Variants in IL1RAPL1 observed in about 807,000 individuals in gnomAD.
IL1RAPL1 encodes interleukin-1 receptor accessory protein-like 1.
A neutral mutation model predicts 48.4 loss-of-function variants in IL1RAPL1; 3 were observed. That is an observed-to-expected ratio of 0.06 (90% CI 0.03 to 0.16). The LOEUF (loss-of-function observed/expected upper bound fraction) is 0.16. Among genes scored for constraint, IL1RAPL1 ranks in the 10% least tolerant of loss-of-function variants. The pLI is 1.00. For missense variants in IL1RAPL1, 349 were observed against 530.6 expected, an observed-to-expected ratio of 0.66 and a Z score of 3.36; for synonymous variants, 185 against 187.7, an observed-to-expected ratio of 0.99 and a Z score of 0.12.
chrX:28,955,147 A>G (rs758901473), intron 2 of IL1RAPL1, among the ~76,000 whole-genome samples: 2 of 111,861 alleles, frequency 1.8e-5, no homozygotes, highest in East Asian at 5.6e-4. Flanking sequence ...TTTATCATTT[A>G]AAATAATGAA....
chrX:29,883,493 TTAGTG>T (rs1932071389), intron 6 of IL1RAPL1, among the ~76,000 whole-genome samples: 1 of 111,937 alleles, frequency 8.9e-6, no homozygotes, highest in African/African-American at 3.2e-5. Flanking sequence ...AACATACAAA[TTAGTG>T]TAGTGAACTT....
At chrX:29,504,698 A>C (rs1935309875) in intron 5 of IL1RAPL1, among the ~76,000 whole-genome samples, 1 of 112,136 alleles carries the variant, frequency 8.9e-6, no homozygotes, top group Non-Finnish European at 1.9e-5. Flanking sequence ...TCTTTTCCCA[A>C]CACTTCAATT....
chrX:28,919,656 G>A (rs1050413912), intron 2 of IL1RAPL1, among the ~76,000 whole-genome samples: 2 of 111,603 alleles, frequency 1.8e-5, no homozygotes, highest in African/African-American at 6.5e-5. Flanking sequence ...TGAAGTTGTT[G>A]GTTATGTAAA....
chrX:29,189,235 A>G (rs1470857550), intron 2 of IL1RAPL1, among the ~76,000 whole-genome samples: 1 of 112,203 alleles, frequency 8.9e-6, no homozygotes, highest in Non-Finnish European at 1.9e-5. Flanking sequence ...TTTGGACTCA[A>G]TCACACTTAA....
intron 1 of IL1RAPL1, among the ~76,000 whole-genome samples, chrX:28,728,098 A>G (rs867371325): frequency 9.0e-6 from 1 of 111,407 alleles, no homozygotes; most frequent in African/African-American, 3.2e-5. Context: ...TAAAAAATAA[A>G]AATAATTTTC....
At chrX:29,126,291 A>G (rs1478005309) in intron 2 of IL1RAPL1, among the ~76,000 whole-genome samples, 3 of 111,963 alleles carry the variant, frequency 2.7e-5, no homozygotes, top group African/African-American at 9.7e-5. Flanking sequence ...TTTGATTATA[A>G]CCACTCTTGG....
At chrX:29,802,773 A>G (rs865866973) in intron 6 of IL1RAPL1, among the ~76,000 whole-genome samples, 60 of 29,247 alleles carry the variant, frequency 2.1e-3, no homozygotes, top group African/African-American at 6.3e-3. Flanking sequence ...ATATATATAT[A>G]TATATATATG....
At chrX:29,668,345 T>C in intron 5 of IL1RAPL1, 85 bp from the exon 6 acceptor site, 1 of 866,392 alleles carries the variant, frequency 1.2e-6, no homozygotes, top group Non-Finnish European at 1.7e-6. Flanking sequence ...GTGAAAAATA[T>C]TTGGGAAAAT....
At chrX:28,731,797 G>A (rs1044774426) in intron 1 of IL1RAPL1, among the ~76,000 whole-genome samples, 1 of 111,735 alleles carries the variant, frequency 8.9e-6, no homozygotes, top group Admixed American at 9.6e-5. Flanking sequence ...CTGTCCTAAT[G>A]AAAAGATTTT....
At chrX:29,538,162 T>C (rs1185933397) in intron 5 of IL1RAPL1, among the ~76,000 whole-genome samples, 1 of 108,982 alleles carries the variant, frequency 9.2e-6, no homozygotes, top group Non-Finnish European at 1.9e-5. Flanking sequence ...TTGATTTTTA[T>C]ATTAAAAATA....
chrX:29,428,801 G>T, intron 5 of IL1RAPL1, among the ~76,000 whole-genome samples: 1 of 111,349 alleles, frequency 9.0e-6, no homozygotes, highest in African/African-American at 3.3e-5. Flanking sequence ...ATTACCCAAA[G>T]GATAAATTCC....
intron 6 of IL1RAPL1, among the ~76,000 whole-genome samples, chrX:29,691,676 A>G (rs1926773344): frequency 9.3e-6 from 1 of 107,157 alleles, no homozygotes; most frequent in African/African-American, 3.5e-5. Context: ...TTTGTCTTAA[A>G]AGCTCACTAT....
At chrX:29,471,242 C>T (rs1934917583) in intron 5 of IL1RAPL1, among the ~76,000 whole-genome samples, 1 of 110,670 alleles carries the variant, frequency 9.0e-6, no homozygotes, top group African/African-American at 3.3e-5. Context: ...AGAGGGTAGC[C>T]CCTGAGGTAA....
intron 2 of IL1RAPL1, among the ~76,000 whole-genome samples, chrX:29,143,400 T>G (rs1929283807): frequency 8.9e-6 from 1 of 112,138 alleles, no homozygotes; most frequent in Non-Finnish European, 1.9e-5. Context: ...TAGTTCCCCC[T>G]TAACCATAGT....
At chrX:28,706,694 G>A (rs950190271) in intron 1 of IL1RAPL1, among the ~76,000 whole-genome samples, 24 of 111,710 alleles carry the variant, frequency 2.1e-4, no homozygotes, top group Non-Finnish European at 4.1e-4. Context: ...GATTACAGGC[G>A]TGAACCACTG....
intron 2 of IL1RAPL1, among the ~76,000 whole-genome samples, chrX:29,226,446 T>TTC (rs1043208676): frequency 5.9e-5 from 6 of 100,890 alleles, no homozygotes; most frequent in African/African-American, 1.8e-4. Flanking sequence ...CTTTCTTTCT[T>TTC]TTTTTTTTTT....
At chrX:28,847,052 G>T (rs1452245249) in intron 2 of IL1RAPL1, among the ~76,000 whole-genome samples, 1 of 111,570 alleles carries the variant, frequency 9.0e-6, no homozygotes, top group Non-Finnish European at 1.9e-5. Context: ...GTCTAAATGG[G>T]TATGTCACAC....
intron 2 of IL1RAPL1, among the ~76,000 whole-genome samples, chrX:28,835,761 A>C (rs1036027768): frequency 2.7e-5 from 3 of 111,415 alleles, no homozygotes; most frequent in Admixed American, 9.6e-5. Flanking sequence ...GCCTAGTAGC[A>C]CTTTAAATGA....
chrX:29,722,982 T>A (rs1384830602), intron 6 of IL1RAPL1, among the ~76,000 whole-genome samples: 2 of 112,338 alleles, frequency 1.8e-5, no homozygotes, highest in Non-Finnish European at 3.8e-5. Context: ...ATGCATTTTA[T>A]AATTTTGTTA....
Sources: allele counts gnomAD v4.1 joint callset (sites outside exome capture counted in the v4.1 genomes callset), GRCh38; gene constraint gnomAD v4.1.1; transcripts MANE v1.5; gene names NCBI Gene and HGNC (gene_info 2026-07-23, HGNC 2026-07-21).